VCAM1: variants seen among roughly 807,000 people sequenced by gnomAD.
VCAM1 encodes vascular cell adhesion protein 1.
Under a neutral mutation model 63.8 loss-of-function variants are expected in VCAM1, and 41 were observed. The observed-to-expected ratio is 0.64, with a 90% CI of 0.50 to 0.83. The LOEUF is 0.83. VCAM1 is among the 40% of genes least tolerant of loss of function. The probability of loss-of-function intolerance (pLI) is 0.00; values close to 1 mark genes in which losing one functional copy is unlikely to be tolerated. For synonymous variants in VCAM1, 338 were observed against 320.7 expected (o/e 1.05, Z -0.58); for missense variants, 798 against 875.5 (o/e 0.91, Z 1.12).
intron 5 of VCAM1, among the ~76,000 whole-genome samples, chr1:100,730,376 A>C (rs901951124): frequency 6.6e-6 from 1 of 152,150 alleles, no homozygotes; most frequent in Non-Finnish European, 1.5e-5. Flanking sequence ...ATATTTGAGC[A>C]TGTATCACTT....
intron 1 of VCAM1, among the ~76,000 whole-genome samples, chr1:100,720,131 T>C (rs1168199961): frequency 6.6e-6 from 1 of 152,128 alleles, no homozygotes; most frequent in Non-Finnish European, 1.5e-5. Flanking sequence ...ATTGATGTTT[T>C]TGGTATCTTT....
chr1:100,731,227 A>G lies in VCAM1; in HGVS notation c.1234A>G (p.Ser412Gly), dbSNP rs772584020. The G allele has an allele frequency of 1.2e-6, 2 of 1,608,964 alleles. No individual in the cohort carries two copies. The highest frequency in any genetic ancestry group is 1.7e-5 in the Admixed American group (1 of 59,208). The change falls in exon 6 of 9, where the codon AGT becomes GGT. Residue 412 changes from serine to glycine, a missense_variant. Transcript: ENST00000294728. The surrounding 1 kb of genome is among the most constrained non-coding windows in gnomAD (Gnocchi z 4.2). ...SFPRDPEIEM[S>G]GGLVNGSSVT... ...CCCTAGAGATCCAGAAATCGAGATG[A>G]GTGGTGGCCTCGTGAATGGGAGCTC... is the stretch of plus-strand genomic sequence containing the variant.
Position 100,731,626 on chromosome 1 carries a change from C to A in VCAM1, c.1525+108C>A. Reference sequence around the variant, plus strand: ...CGTTAAAACCTCTGTGGAGAAAAAACGTTACTGAAAAGAAATTTCAAAATA... The same window carrying A: ...CGTTAAAACCTCTGTGGAGAAAAAAAGTTACTGAAAAGAAATTTCAAAATA... On this transcript the variant is annotated intron_variant, in intron 6 of 8. Coordinates refer to ENST00000294728, the MANE Select transcript of VCAM1 (RefSeq NM_001078.4). The surrounding 1 kb of genome is among the most constrained non-coding windows in gnomAD (Gnocchi z 4.2). The A allele has an allele frequency of 1.9e-6, 2 of 1,070,406 alleles. No individual in the cohort carries two copies. The highest frequency in any genetic ancestry group is 1.6e-5 in the African/African-American group (1 of 62,284). The allele number at this position is 1,070,406 out of a possible 1,614,324, so 66.3% of individuals were successfully genotyped here. A position where few individuals can be genotyped will look rare whatever the true frequency, so the allele number is the denominator to read the frequency against.
intron 8 of VCAM1, chr1:100,736,122 C>T (rs768673439): frequency 6.6e-6 from 1 of 152,152 alleles, no homozygotes; most frequent in Admixed American, 6.5e-5. Context: ...CTTTTAAAGA[C>T]ACATCAAACC....
chr1:100,724,008 G>A (rs1287437358), intron 3 of VCAM1, among the ~76,000 whole-genome samples: 1 of 152,030 alleles, frequency 6.6e-6, no homozygotes, highest in Admixed American at 6.6e-5. Flanking sequence ...AAGAGAATGA[G>A]CTGGGAAGGC....
In VCAM1 at chr1:100,734,766, A is replaced by G. The variant is rs762803563; in HGVS notation, c.2057A>G (p.Gln686Arg). ...SQLRSLTLDV[Q>R]GRENNKDYFS... ...TTAAGAAGTTTAACACTTGATGTTCAAGGTGAGTTTGTTTTGAGTTTTTGT... is the reference window on the plus strand; with the variant it reads ...TTAAGAAGTTTAACACTTGATGTTCGAGGTGAGTTTGTTTTGAGTTTTTGT... The change falls in exon 8 of 9, where the codon CAA becomes CGA. Residue 686 changes from glutamine to arginine, a missense_variant and splice_region_variant. Gln to Arg is a conservative substitution (Grantham distance 43). Transcript: ENST00000294728. 2 of 1,612,842 alleles carry G rather than the reference A, an allele frequency of 1.2e-6. No individual in the cohort carries two copies. The highest frequency in any genetic ancestry group is 1.7e-5 in the Admixed American group (1 of 59,856).
intron 2 of VCAM1, among the ~76,000 whole-genome samples, chr1:100,721,722 G>C (rs987568079): frequency 5.3e-5 from 8 of 152,046 alleles, no homozygotes; most frequent in Non-Finnish European, 1.0e-4. Flanking sequence ...TTTCAATTAT[G>C]CTGGTTGTAT....
intron 4 of VCAM1, among the ~76,000 whole-genome samples, chr1:100,726,611 C>G (rs891313676): frequency 2.6e-5 from 4 of 152,052 alleles, no homozygotes; most frequent in Non-Finnish European, 4.4e-5. Flanking sequence ...ACTACATATT[C>G]TTTCTTTCGT....
chr1:100,735,907 A>G (rs1224518215), intron 8 of VCAM1: 1 of 152,190 alleles, frequency 6.6e-6, no homozygotes, highest in Non-Finnish European at 1.5e-5. Context: ...GTCACTCAAA[A>G]TGATTCAGGG....
At position 100,724,902 on chromosome 1, in the gene VCAM1, G is replaced by A. The variant is rs1660106440; in HGVS notation, c.928+12G>A. 3 of 1,609,308 alleles carry A rather than the reference G, an allele frequency of 1.9e-6. No homozygotes were observed. Among genetic ancestry groups the A allele is most frequent in the East Asian group, 4.5e-5 (2 of 44,792 alleles). On this transcript the variant is annotated intron_variant, in intron 4 of 8. Coordinates refer to ENST00000294728, the MANE Select transcript of VCAM1 (RefSeq NM_001078.4). ...ATTAATTGTTCAAGGTGAGTAGAATGTGAAAAAGGAATGATAAAGGTGCTG... is the reference window on the plus strand; with the variant it reads ...ATTAATTGTTCAAGGTGAGTAGAATATGAAAAAGGAATGATAAAGGTGCTG...
At chr1:100,722,082 G>T (rs895575810) in intron 2 of VCAM1, among the ~76,000 whole-genome samples, 11 of 151,946 alleles carry the variant, frequency 7.2e-5, no homozygotes, top group African/African-American at 2.7e-4. Flanking sequence ...TCTCCTTTCC[G>T]CATTTGATTG....
At position 100,724,796 on chromosome 1, in the gene VCAM1, A is replaced by G; in HGVS notation, c.834A>G (p.Leu278=). The G allele has an allele frequency of 6.2e-7, 1 of 1,612,950 alleles. No homozygotes were observed. Among genetic ancestry groups the G allele is most frequent in the Non-Finnish European group, 8.5e-7 (1 of 1,179,394 alleles). The change falls in exon 4 of 9, where the codon TTA becomes TTG. Residue 278 remains leucine (L), a synonymous_variant. Coordinates refer to ENST00000294728, the MANE Select transcript of VCAM1 (RefSeq NM_001078.4). Reference sequence around the variant, plus strand: ...TTTCTGGAAATGCAACTCTCACCTTAATTGCTATGAGGATGGAAGATTCTG... The same window carrying G: ...TTTCTGGAAATGCAACTCTCACCTTGATTGCTATGAGGATGGAAGATTCTG... ...QHLSGNATLT[L]IAMRMEDSGI...
intron 4 of VCAM1, among the ~76,000 whole-genome samples, chr1:100,728,715 A>AATATATATATATATATATAT (rs35811606): frequency 8.6e-4 from 125 of 145,032 alleles, no homozygotes; most frequent in African/African-American, 3.0e-3. Context: ...ATTAAATGAG[A>AATATATATATATATATATAT]ATATATATAT....
chr1:100,738,807 A>T lies in VCAM1; in HGVS notation c.*524A>T, dbSNP rs1419883196. On this transcript the variant is annotated 3_prime_UTR_variant, in exon 9 of 9. Coordinates refer to ENST00000294728, the MANE Select transcript of VCAM1 (RefSeq NM_001078.4). Reference sequence around the variant, plus strand: ...GGGTTTTATATTTTTATAGACAAATAATAAGCAAAGGGAGCACTGGGTTGA... The same window carrying T: ...GGGTTTTATATTTTTATAGACAAATTATAAGCAAAGGGAGCACTGGGTTGA... 6.6e-6 allele frequency: 1 copy of T among 152,424 alleles called. No individual in the cohort carries two copies. The highest frequency in any genetic ancestry group is 6.5e-5 in the Admixed American group (1 of 15,296). The allele number at this position is 152,424 out of a possible 1,614,324, so 9.4% of individuals were successfully genotyped here.
Position 100,720,492 on chromosome 1 carries a change from C to T in VCAM1, c.81C>T (p.Ile27=), listed in dbSNP as rs769862238. Residue 27 remains isoleucine, a synonymous_variant, in exon 2 of 9, where the codon ATC becomes ATT. Transcript: ENST00000294728. ...CTTTTGCAGCTCAAGCTTTTAAAAT[C>T]GAGACCACCCCAGAATCTAGATATC... ...IMFAASQAFK[I]ETTPESRYLA... 12 of 1,604,624 alleles carry T rather than the reference C, an allele frequency of 7.5e-6. No homozygotes were observed. Among genetic ancestry groups the T allele is most frequent in the Middle Eastern group, 1.7e-4 (1 of 6,008 alleles).
intron 4 of VCAM1, among the ~76,000 whole-genome samples, chr1:100,726,133 T>C (rs1660154387): frequency 6.6e-6 from 1 of 152,032 alleles, no homozygotes. Flanking sequence ...ATCCCACATA[T>C]AAGTGAGATC....
Position 100,732,671 on chromosome 1 carries a change from A to G in VCAM1, c.1779A>G (p.Glu593=). Residue 593 remains glutamate, a synonymous_variant, in exon 7 of 9, where the codon GAA becomes GAG. Coordinates refer to ENST00000294728, the MANE Select transcript of VCAM1 (RefSeq NM_001078.4). ...NQAGRSRKEV[E]LIIQVTPKDI... is the part of the protein sequence containing the mutation. ...CTGGAAGAAGCAGAAAGGAAGTGGA[A>G]TTAATTATCCAAGGTGAGCAGAGTG... 1 of 1,597,912 alleles carries G rather than the reference A, an allele frequency of 6.3e-7. No individual in the cohort carries two copies. Among genetic ancestry groups the G allele is most frequent in the Non-Finnish European group, 8.5e-7 (1 of 1,173,842 alleles).
intron 4 of VCAM1, among the ~76,000 whole-genome samples, chr1:100,727,290 G>A (rs532121762): frequency 6.6e-6 from 1 of 151,746 alleles, no homozygotes; most frequent in Non-Finnish European, 1.5e-5. Context: ...TTATAGGCAC[G>A]TGCCACTACA....
chr1:100,720,618 G>C lies in VCAM1; in HGVS notation c.207G>C (p.Gly69=). ...WRTQIDSPLN[G]KVTNEGTTST... is the part of the protein sequence containing the mutation. Reference sequence around the variant, plus strand: ...CCCAGATAGATAGTCCACTGAATGGGAAGGTGACGAATGAGGGGACCACAT... The same window carrying C: ...CCCAGATAGATAGTCCACTGAATGGCAAGGTGACGAATGAGGGGACCACAT... The change falls in exon 2 of 9, where the codon GGG becomes GGC. Residue 69 remains glycine, a synonymous_variant. Transcript: ENST00000294728. 1 of 1,613,214 alleles carries C rather than the reference G, an allele frequency of 6.2e-7. No homozygotes were observed. The highest frequency in any genetic ancestry group is 8.5e-7 in the Non-Finnish European group (1 of 1,179,524).
Sources: allele counts gnomAD v4.1 joint callset (sites outside exome capture counted in the v4.1 genomes callset), GRCh38; gene constraint gnomAD v4.1.1; non-coding constraint Gnocchi (gnomAD v3.1); transcripts MANE v1.5; gene names NCBI Gene and HGNC (gene_info 2026-07-23, HGNC 2026-07-21).